Variants in CROCC observed in about 807,000 individuals in gnomAD.
CROCC encodes ciliary rootlet coiled-coil, rootletin.
A neutral mutation model predicts 245.2 loss-of-function variants in CROCC; 180 were observed. That is an observed-to-expected ratio of 0.73 (90% confidence interval 0.65 to 0.83). CROCC has a LOEUF of 0.83. Ranked by LOEUF, CROCC falls within the 40% of genes least tolerant of loss-of-function variation. The pLI is 0.00. For missense variants in CROCC, 2,688 were observed against 2,779.4 expected (o/e 0.97, Z 0.74); for synonymous variants, 1,205 against 1,241.6 (o/e 0.97, Z 0.62).
At chr1:16,952,938 C>T in intron 20 of CROCC, 1 of 213,858 alleles carries the variant, frequency 4.7e-6, no homozygotes, top group Non-Finnish European at 9.5e-6. Flanking sequence ...CCCACCCCTG[C>T]CTGGGGCTCT....
chr1:16,934,517 G>C (rs1304116318), intron 8 of CROCC, among the ~76,000 whole-genome samples: 1 of 152,260 alleles, frequency 6.6e-6, no homozygotes, highest in South Asian at 2.1e-4. Flanking sequence ...TGCCCAGGCT[G>C]GTCTTGAACT....
chr1:16,935,397 G>A (rs1176689313), intron 8 of CROCC, among the ~76,000 whole-genome samples: 1 of 152,226 alleles, frequency 6.6e-6, no homozygotes, highest in Non-Finnish European at 1.5e-5. Flanking sequence ...AGGCCAGGAA[G>A]AACTTCTCCA....
chr1:16,938,863 G>A (rs1288511055), intron 11 of CROCC, 46 bp from the exon 12 acceptor site: 1 of 1,577,296 alleles, frequency 6.3e-7, no homozygotes, highest in Non-Finnish European at 8.7e-7. Context: ...TAACCCCGCG[G>A]TTCCTAACTC....
At position 16,972,774 on chromosome 1, in the gene CROCC, G is replaced by A. The variant is rs533332200; in HGVS notation, c.*328G>A. The A allele has an allele frequency of 5.2e-6, 1 of 191,986 alleles. No individual in the cohort carries two copies. Among genetic ancestry groups the A allele is most frequent in the Non-Finnish European group, 1.1e-5 (1 of 94,574 alleles). 11.9% of individuals were successfully genotyped at this position (191,986 alleles called of 1,614,324 possible). ...GAGCATGGGATCGTGGGAAAGAGGA[G>A]GGGGACCAGGCCCAGGGCAGGGGTC... On this transcript the variant is annotated 3_prime_UTR_variant, in exon 37 of 37. Transcript: ENST00000375541.
At position 16,954,448 on chromosome 1, in the gene CROCC, C is replaced by G; in HGVS notation, c.3321+91C>G. 6.7e-7 allele frequency: 1 copy of G among 1,481,548 alleles called. No homozygotes were observed. The highest frequency in any genetic ancestry group is 1.4e-5 in the African/African-American group (1 of 71,294). 91.8% of individuals were successfully genotyped at this position (1,481,548 alleles called of 1,614,324 possible). A position where few individuals can be genotyped will look rare whatever the true frequency, so the allele number is the denominator to read the frequency against. On this transcript the variant is annotated intron_variant, in intron 22 of 36. Coordinates refer to ENST00000375541, the MANE Select transcript of CROCC (RefSeq NM_014675.5). The surrounding 1 kb of genome is among the most constrained non-coding windows in gnomAD (Gnocchi z 4.4). Reference sequence around the variant, plus strand: ...CACCACGGGGCGGCATGGCCCTGTCCTGGAGAAGCTTCCAGGCTGTGGGAA... The same window carrying G: ...CACCACGGGGCGGCATGGCCCTGTCGTGGAGAAGCTTCCAGGCTGTGGGAA...
At chr1:16,969,013 G>A in intron 31 of CROCC, 103 bp from the exon 32 acceptor site, 1 of 1,090,974 alleles carries the variant, frequency 9.2e-7, no homozygotes, top group Non-Finnish European at 1.4e-6. Flanking sequence ...GAGAGAAGTG[G>A]GAAGGGTGTG....
At chr1:16,935,188 C>G (rs1398344940) in intron 8 of CROCC, among the ~76,000 whole-genome samples, 1 of 152,290 alleles carries the variant, frequency 6.6e-6, no homozygotes, top group Non-Finnish European at 1.5e-5. Flanking sequence ...GCATGAGCCA[C>G]CACGCCTGGC....
intron 33 of CROCC, 105 bp downstream of exon 33, chr1:16,970,039 C>T (rs2076488986): frequency 8.6e-6 from 12 of 1,391,124 alleles, no homozygotes; most frequent in East Asian, 4.8e-5. Context: ...CTGGTGCAGC[C>T]TCCAGTAAGG....
rs1208119952 is a variant in CROCC, at chr1:16,961,012, G to A, written c.4287G>A (p.Ala1429=). Residue 1429 remains alanine (A), a synonymous_variant, in exon 27 of 37, where the codon GCG becomes GCA. Coordinates refer to ENST00000375541, the MANE Select transcript of CROCC (RefSeq NM_014675.5). The part of the protein sequence containing the change: ...LARVEVQRRA[A]EAQLGGLRSA... ...GCGTGGAGGTGCAGCGGCGCGCGGC[G>A]GAGGCCCAGCTGGGTGGCCTGCGCT... The A allele has an allele frequency of 6.1e-6, 8 of 1,303,866 alleles. 1 individual carries two copies. The highest frequency in any genetic ancestry group is 7.7e-6 in the Non-Finnish European group (8 of 1,033,186). 80.8% of individuals were successfully genotyped at this position (1,303,866 alleles called of 1,614,324 possible). A position where few individuals can be genotyped will look rare whatever the true frequency, so the allele number is the denominator to read the frequency against.
At chr1:16,925,117 G>T (rs1304927707) in intron 3 of CROCC, among the ~76,000 whole-genome samples, 1 of 152,292 alleles carries the variant, frequency 6.6e-6, no homozygotes, top group Admixed American at 6.5e-5. Context: ...TTGATGCACT[G>T]TCTGCTTTGG....
intron 21 of CROCC, chr1:16,953,802 C>T (rs1294105268): frequency 3.5e-5 from 10 of 286,044 alleles, no homozygotes; most frequent in East Asian, 5.7e-5. Context: ...GCAGTCCCCA[C>T]GATGCCCACA....
intron 26 of CROCC, among the ~76,000 whole-genome samples, chr1:16,960,029 G>A (rs951716628): frequency 4.6e-5 from 7 of 152,098 alleles, no homozygotes; most frequent in African/African-American, 1.4e-4. Context: ...CACTTTGGGA[G>A]GCCGAGGCTG....
At position 16,971,470 on chromosome 1, in the gene CROCC, G is replaced by A. The variant is rs1251287045; in HGVS notation, c.5790G>A (p.Gln1930=). Residue 1930 remains glutamine (Q), a synonymous_variant, in exon 36 of 37, where the codon CAG becomes CAA. Transcript: ENST00000375541. The part of the protein sequence containing the change: ...AQRQIQQLEA[Q]VVVLEQSHSP... ...ACCACAGCCCCTCCCTGCAGGCGCA[G>A]GTGGTGGTGCTGGAGCAGAGCCACA... The A allele has an allele frequency of 6.5e-7, 1 of 1,534,494 alleles. No individual in the cohort carries two copies. Among genetic ancestry groups the A allele is most frequent in the Non-Finnish European group, 8.7e-7 (1 of 1,144,752 alleles).
At position 16,924,463 on chromosome 1, in the gene CROCC, A is replaced by G. The variant is rs139674092; in HGVS notation, c.335A>G (p.Asn112Ser). The G allele has an allele frequency of 4.3e-6, 7 of 1,612,394 alleles. No homozygotes were observed. The African/African-American group carries it at 5.3e-5, about 12-fold the overall frequency. The change falls in exon 3 of 37, where the codon AAT becomes AGT. Residue 112 changes from asparagine to serine, a missense_variant. By Grantham distance (46) the Asn-to-Ser change is conservative (BLOSUM62 1). Transcript: ENST00000375541. ...CGCGATGAGCTCGCCATTAAGTACAATGCGGTCAGCGAGAGGGTGGGTGCC... is the reference window on the plus strand; with the variant it reads ...CGCGATGAGCTCGCCATTAAGTACAGTGCGGTCAGCGAGAGGGTGGGTGCC... ...AERDELAIKY[N>S]AVSERLEQAL...
intron 13 of CROCC, among the ~76,000 whole-genome samples, chr1:16,941,623 T>G (rs1244523116): frequency 6.6e-6 from 1 of 152,104 alleles, no homozygotes; most frequent in African/African-American, 2.4e-5. Flanking sequence ...TCCCAGCTAC[T>G]TGGAAGACTG....
upstream of CROCC, among the ~76,000 whole-genome samples, chr1:16,918,158 C>T (rs931815916): frequency 4.3e-4 from 63 of 147,916 alleles, 1 homozygote; most frequent in South Asian, 9.0e-4. Context: ...TCCCATTTTG[C>T]AGATGAGGAA....
rs548060053 is a variant in CROCC, at chr1:16,935,667, G to A, written c.957-970G>A. On this transcript the variant is annotated intron_variant, in intron 8 of 36. Transcript: ENST00000375541. ...TCTCGATCTCCCGACCTCGTGATCC[G>A]CCCTCCTCGGCCTCCCAAAGTGCTG... 6.6e-5 allele frequency among the ~76,000 whole-genome samples: 10 copies of A among 152,270 alleles called. No homozygotes were observed. In the South Asian group the frequency reaches 1.0e-3, roughly 16 times the overall value.
chr1:16,924,401 C>T lies in CROCC; in HGVS notation c.273C>T (p.Ser91=), dbSNP rs2075482627. 1 of 1,613,280 alleles carries T rather than the reference C, an allele frequency of 6.2e-7. No individual in the cohort carries two copies. Among genetic ancestry groups the T allele is most frequent in the Non-Finnish European group, 8.5e-7 (1 of 1,179,884 alleles). ...EENQLLQQEL[S]RVEDLLAQSR... is the part of the protein sequence containing the mutation. ...ACCAGCTGCTGCAGCAGGAGCTGTC[C>T]CGCGTGGAGGACCTGCTGGCCCAGA... Residue 91 remains serine (S), a synonymous_variant, in exon 3 of 37, where the codon TCC becomes TCT. Transcript: ENST00000375541.
chr1:16,920,558 C>G (rs1338349983), upstream of CROCC, among the ~76,000 whole-genome samples: 2 of 152,274 alleles, frequency 1.3e-5, no homozygotes, highest in Non-Finnish European at 2.9e-5. Context: ...CAAGGTCTTA[C>G]TGTCTTGAAC....
Sources: allele counts gnomAD v4.1 joint callset (sites outside exome capture counted in the v4.1 genomes callset), GRCh38; gene constraint gnomAD v4.1.1; non-coding constraint Gnocchi (gnomAD v3.1); transcripts MANE v1.5; gene names NCBI Gene and HGNC (gene_info 2026-07-23, HGNC 2026-07-21).